The following CHRM5 variants were observed in gnomAD, a reference collection of about 807,000 sequenced individuals.
The protein encoded by CHRM5 is muscarinic acetylcholine receptor M5.
A neutral mutation model predicts 39.0 loss-of-function variants in CHRM5; 18 were observed. The ratio of observed to expected loss-of-function variants is 0.46; its 90% CI spans 0.32 to 0.68. The LOEUF (loss-of-function observed/expected upper bound fraction) is 0.68, where lower values mean the gene tolerates loss of function less well. CHRM5 is among the 30% of genes least tolerant of loss of function. CHRM5 has a pLI of 0.04. For synonymous variants in CHRM5, 241 were observed against 246.3 expected (o/e 0.98, Z 0.20); for missense variants, 515 against 651.1 (o/e 0.79, Z 2.28).
chr15:33,970,433 G>C (rs1895585273), intron 1 of CHRM5, among the ~76,000 whole-genome samples: 1 of 151,694 alleles, frequency 6.6e-6, no homozygotes, highest in African/African-American at 2.4e-5. Context: ...TTGTTTCAGA[G>C]AAAAAAATGT....
chr15:34,005,038 A>T (rs796440174), intron 1 of CHRM5, among the ~76,000 whole-genome samples: 10 of 152,260 alleles, frequency 6.6e-5, no homozygotes, highest in African/African-American at 2.4e-4. Flanking sequence ...TTAGGAGGAA[A>T]AGACAAGCAA....
intron 2 of CHRM5, among the ~76,000 whole-genome samples, chr15:34,048,102 C>T (rs551247698): frequency 4.6e-5 from 7 of 152,252 alleles, no homozygotes; most frequent in African/African-American, 1.4e-4. Context: ...TCTGAAACTC[C>T]TGAACTCAAG....
chr15:34,055,059 G>C (rs1900080096), intron 2 of CHRM5, among the ~76,000 whole-genome samples: 1 of 151,774 alleles, frequency 6.6e-6, no homozygotes, highest in South Asian at 2.1e-4. Flanking sequence ...GGGCATGGTG[G>C]CACATGCCTG....
At chr15:34,059,550 CCTT>C (rs1900268793) in intron 2 of CHRM5, among the ~76,000 whole-genome samples, 1 of 152,174 alleles carries the variant, frequency 6.6e-6, no homozygotes, top group Non-Finnish European at 1.5e-5. Flanking sequence ...TCCTGTCCCT[CCTT>C]CTCCTGCCAG....
chr15:34,049,659 G>A (rs184139014), intron 2 of CHRM5, among the ~76,000 whole-genome samples: 1 of 152,062 alleles, frequency 6.6e-6, no homozygotes, highest in Non-Finnish European at 1.5e-5. Flanking sequence ...TCAGGCCAAC[G>A]TTCAAATTGA....
rs761228736 is a variant in CHRM5, at chr15:34,005,370, G to A, written c.-408+36220G>A. 5.3e-5 allele frequency among the ~76,000 whole-genome samples: 8 copies of A among 152,120 alleles called. No individual in the cohort carries two copies. The East Asian group carries it at 1.4e-3, about 26-fold the overall frequency. On this transcript the variant is annotated intron_variant, in intron 1 of 2. Coordinates refer to ENST00000383263, the MANE Select transcript of CHRM5 (RefSeq NM_012125.4). The stretch of plus-strand genomic sequence containing the variant: ...AATCTAGCACAGTCCCTATTTTTAC[G>A]ACCCTGACTTATTGACAAGGCCAGG...
chr15:33,988,837 CA>C (rs1896596145), intron 1 of CHRM5, among the ~76,000 whole-genome samples: 1 of 152,200 alleles, frequency 6.6e-6, no homozygotes, highest in African/African-American at 2.4e-5. Context: ...TAAATGAAAC[CA>C]AATCCATTTT....
At chr15:33,985,732 G>C (rs1027820869) in intron 1 of CHRM5, among the ~76,000 whole-genome samples, 1 of 152,084 alleles carries the variant, frequency 6.6e-6, no homozygotes, top group Non-Finnish European at 1.5e-5. Flanking sequence ...CTATAAGCTA[G>C]AAATCTTGAG....
chr15:33,974,157 C>T (rs1485096800), intron 1 of CHRM5, among the ~76,000 whole-genome samples: 2 of 152,058 alleles, frequency 1.3e-5, no homozygotes, highest in East Asian at 1.9e-4. Context: ...AGAATTTCAT[C>T]GATAATCCAA....
chr15:33,969,243 G>A (rs1895522936), intron 1 of CHRM5, 93 bp downstream of exon 1: 1 of 151,876 alleles, frequency 6.6e-6, no homozygotes, highest in African/African-American at 2.4e-5. Context: ...TGAATTTCTT[G>A]CAACCCTTCC....
At chr15:34,028,628 AAGTGACTATAAATAT>A (rs1401372739) in intron 1 of CHRM5, among the ~76,000 whole-genome samples, 1 of 152,240 alleles carries the variant, frequency 6.6e-6, no homozygotes, top group Non-Finnish European at 1.5e-5. Context: ...CAAAGTGGCA[AAGTGACTATAAATAT>A]AGTAAATATA....
At chr15:34,050,958 C>T (rs1368626265) in intron 2 of CHRM5, among the ~76,000 whole-genome samples, 2 of 152,138 alleles carry the variant, frequency 1.3e-5, no homozygotes, top group Non-Finnish European at 2.9e-5. Context: ...AGAAAATTAA[C>T]AATGATATTC....
chr15:34,001,302 G>C (rs960147347), intron 1 of CHRM5, among the ~76,000 whole-genome samples: 4 of 152,160 alleles, frequency 2.6e-5, no homozygotes, highest in Non-Finnish European at 4.4e-5. Context: ...GATTACAGGC[G>C]TGAGCCACCA....
intron 1 of CHRM5, among the ~76,000 whole-genome samples, chr15:33,985,363 A>T (rs1217332964): frequency 1.3e-5 from 2 of 150,772 alleles, no homozygotes; most frequent in Non-Finnish European, 1.5e-5. Context: ...GGGAAGGAAC[A>T]CTGAGCTGAG....
intron 1 of CHRM5, among the ~76,000 whole-genome samples, chr15:34,043,340 C>T (rs952165229): frequency 1.2e-4 from 19 of 152,084 alleles, no homozygotes; most frequent in Non-Finnish European, 2.9e-5. Context: ...GCACTGTCCT[C>T]TTGCAAATAT....
At chr15:34,038,856 C>A in intron 1 of CHRM5, 1 of 1,158,002 alleles carries the variant, frequency 8.6e-7, no homozygotes, top group Non-Finnish European at 1.1e-6. Flanking sequence ...TCCTCGGCCT[C>A]CGCGAGCGCC....
intron 1 of CHRM5, chr15:33,972,318 G>A (rs1895671823): frequency 6.6e-6 from 1 of 151,962 alleles, no homozygotes; most frequent in Non-Finnish European, 1.5e-5. Context: ...ATGCTACTCA[G>A]AAAATTGAAA....
intron 1 of CHRM5, among the ~76,000 whole-genome samples, chr15:33,974,712 C>T (rs1438848108): frequency 6.6e-6 from 1 of 152,206 alleles, no homozygotes; most frequent in African/African-American, 2.4e-5. Flanking sequence ...GTGGCTCACG[C>T]CTGTAATCCC....
intron 1 of CHRM5, among the ~76,000 whole-genome samples, chr15:34,006,572 C>T (rs1047342236): frequency 2.0e-5 from 3 of 152,146 alleles, no homozygotes; most frequent in Non-Finnish European, 4.4e-5. Context: ...ACCTAAGGAA[C>T]GATTAATGCA....
Sources: allele counts gnomAD v4.1 joint callset (sites outside exome capture counted in the v4.1 genomes callset), GRCh38; gene constraint gnomAD v4.1.1; transcripts MANE v1.5; gene names NCBI Gene and HGNC (gene_info 2026-07-23, HGNC 2026-07-21).